The following PCDH12 variants were observed in gnomAD, a reference collection of about 807,000 sequenced individuals.
PCDH12 encodes the protein protocadherin 12.
PCDH12 carries 45 observed loss-of-function variants against 70.9 expected under a neutral mutation model. The ratio of observed to expected loss-of-function variants is 0.63; its 90% CI spans 0.50 to 0.81. The LOEUF (loss-of-function observed/expected upper bound fraction) is 0.81. Ranked by LOEUF, PCDH12 falls within the 40% of genes least tolerant of loss-of-function variation. PCDH12 has a pLI of 0.00. For synonymous variants in PCDH12, 567 were observed against 626.0 expected, an observed-to-expected ratio of 0.91 and a Z score of 1.41; for missense variants, 1,370 against 1,491.7, an observed-to-expected ratio of 0.92 and a Z score of 1.34.
intron 3 of PCDH12, among the ~76,000 whole-genome samples, chr5:141,948,620 A>C (rs1753003050): frequency 6.6e-6 from 1 of 152,232 alleles, no homozygotes; most frequent in Non-Finnish European, 1.5e-5. Flanking sequence ...CCTGGTTCCC[A>C]GGGTGAAAGG....
intron 2 of PCDH12, 102 bp downstream of exon 2, chr5:141,951,391 G>C: frequency 1.2e-6 from 1 of 858,748 alleles, no homozygotes; most frequent in Non-Finnish European, 2.0e-6. Flanking sequence ...CAGGGGACCG[G>C]TGTCTGACTT....
At chr5:141,949,645 G>A (rs1753035437) in intron 2 of PCDH12, 62 bp from the exon 3 acceptor site, 1 of 1,554,162 alleles carries the variant, frequency 6.4e-7, no homozygotes, top group Admixed American at 1.9e-5. Context: ...ATTCATTCAT[G>A]CCCATTCATG....
At chr5:141,950,271 G>A (rs1278137600) in intron 2 of PCDH12, among the ~76,000 whole-genome samples, 1 of 152,150 alleles carries the variant, frequency 6.6e-6, no homozygotes, top group African/African-American at 2.4e-5. Flanking sequence ...GGACAGGCCT[G>A]GACCCTCATC....
rs1753168666 is a variant in PCDH12, at chr5:141,955,713, G to A, written c.2139C>T (p.Ser713=). 1.2e-6 allele frequency: 2 copies of A among 1,614,140 alleles called. No homozygotes were observed. Among genetic ancestry groups the A allele is most frequent in the Non-Finnish European group, 8.5e-7 (1 of 1,180,010 alleles). Reference sequence around the variant, plus strand: ...GGCAGATCACCGTCAGCATCGACATGCTCAAGGCCCCAGGCTTGCGGGCTG... The same window carrying A: ...GGCAGATCACCGTCAGCATCGACATACTCAAGGCCCCAGGCTTGCGGGCTG... The part of the protein sequence containing the change: ...RDSARKPGAL[S]MSMLTVICLA... Residue 713 remains serine, a synonymous_variant, in exon 1 of 4, where the codon AGC becomes AGT. Transcript: ENST00000231484. The surrounding 1 kb of genome is among the most constrained non-coding windows in gnomAD (Gnocchi z 5.5).
Position 141,955,179 on chromosome 5 carries a change from A to T in PCDH12, c.2673T>A (p.Ala891=). ...GGGCTTCCTCACTGCCCTGGTCTCC[A>T]GCCAGCCTCCCTGTGGGGCTGCCTG... The part of the protein sequence containing the change: ...KVAGSPTGRL[A]GDQGSEEAPQ... Residue 891 remains alanine, a synonymous_variant, in exon 1 of 4, where the codon GCT becomes GCA. Transcript: ENST00000231484. This position sits in a 1 kb window ranked among gnomAD's most constrained non-coding sequence, Gnocchi z 5.5. 6.2e-7 allele frequency: 1 copy of T among 1,614,188 alleles called. No individual in the cohort carries two copies.
In PCDH12 at chr5:141,956,139, G is replaced by T. The variant is rs770371311; in HGVS notation, c.1713C>A (p.Ser571Arg). The change falls in exon 1 of 4, where the codon AGC becomes AGA. Residue 571 changes from serine to arginine, a missense_variant. Physicochemically the swap from Ser to Arg is moderately radical, Grantham distance 110. Transcript: ENST00000231484. ...NAPEVVQPVL[S>R]DGKASLSVLV... is the part of the protein sequence containing the mutation. The stretch of plus-strand genomic sequence containing the variant: ...GCACGGAGAGGCTGGCTTTTCCATC[G>T]CTGAGCACAGGCTGGACCACCTCTG... 1 of 1,614,116 alleles carries T rather than the reference G, an allele frequency of 6.2e-7. No homozygotes were observed. The highest frequency in any genetic ancestry group is 1.6e-4 in the Middle Eastern group (1 of 6,062).
At chr5:141,946,688 G>A (rs1043668513) in intron 3 of PCDH12, among the ~76,000 whole-genome samples, 2 of 152,228 alleles carry the variant, frequency 1.3e-5, no homozygotes, top group Non-Finnish European at 2.9e-5. Flanking sequence ...TGTCCCAGGA[G>A]AGGGACTGGG....
chr5:141,955,792 G>A lies in PCDH12; in HGVS notation c.2060C>T (p.Thr687Ile). 2 of 1,613,874 alleles carry A rather than the reference G, an allele frequency of 1.2e-6. No individual in the cohort carries two copies. The highest frequency in any genetic ancestry group is 1.7e-6 in the Non-Finnish European group (2 of 1,179,906). ...VEDQGSPPLQ[T>I]RALLRVMFVT... is the part of the protein sequence containing the mutation. ...AAACATGACCCTCAACAGGGCTCGGGTCTGTAAGGGGGGGCTTCCCTGGTC... is the reference window on the plus strand; with the variant it reads ...AAACATGACCCTCAACAGGGCTCGGATCTGTAAGGGGGGGCTTCCCTGGTC... Residue 687 changes from threonine (T) to isoleucine (I), a missense_variant, in exon 1 of 4, where the codon ACC becomes ATC. Thr to Ile is a moderately conservative substitution (Grantham distance 89). Coordinates refer to ENST00000231484, the MANE Select transcript of PCDH12 (RefSeq NM_016580.4). This position sits in a 1 kb window ranked among gnomAD's most constrained non-coding sequence, Gnocchi z 5.5.
In PCDH12 at chr5:141,955,269, C is replaced by T. The variant is rs771283801; in HGVS notation, c.2583G>A (p.Glu861=). 3.7e-6 allele frequency: 6 copies of T among 1,614,202 alleles called. No individual in the cohort carries two copies. In the South Asian group the frequency reaches 5.5e-5, roughly 15 times the overall value. Residue 861 remains glutamate, a synonymous_variant, in exon 1 of 4, where the codon GAG becomes GAA. Transcript: ENST00000231484. The surrounding 1 kb of genome is among the most constrained non-coding windows in gnomAD (Gnocchi z 5.5). ...GCTGGGGCTCGGGAAGGTTCAGGTT[C>T]TCCCGGGAGGCATTCCTCTGCCTGG... ...NHPRQRNASR[E]NLNLPEPQPA...
chr5:141,956,670 G>A lies in PCDH12; in HGVS notation c.1182C>T (p.Ser394=). 1 of 1,614,210 alleles carries A rather than the reference G, an allele frequency of 6.2e-7. No individual in the cohort carries two copies. Among genetic ancestry groups the A allele is most frequent in the Non-Finnish European group, 8.5e-7 (1 of 1,180,030 alleles). The change falls in exon 1 of 4, where the codon AGC becomes AGT. Residue 394 remains serine, a synonymous_variant. Coordinates refer to ENST00000231484, the MANE Select transcript of PCDH12 (RefSeq NM_016580.4). ...TCAGCCTGAAGTGGCCCAGCTCTTG[G>A]CTCAGCCAGCAGTGGACCAAACCAT... The part of the protein sequence containing the change: ...GHNGLVHCWL[S]QELGHFRLKR...
rs751542381 is a variant in PCDH12 at position 141,956,452 on chromosome 5, A to G, written c.1400T>C (p.Val467Ala). 1.9e-6 allele frequency: 3 copies of G among 1,614,106 alleles called. No homozygotes were observed. Among genetic ancestry groups the G allele is most frequent in the South Asian group, 2.2e-5 (2 of 91,076 alleles). Reference sequence around the variant, plus strand: ...GGGTAAGTTGTTTTCCCGCGTGGAGACTTCATACCTGCTTTTCTCAAACAC... The same window carrying G: ...GGGTAAGTTGTTTTCCCGCGTGGAGGCTTCATACCTGCTTTTCTCAAACAC... The part of the protein sequence containing the change: ...APVFEKSRYE[V>A]STRENNLPSL... The change falls in exon 1 of 4, where the codon GTC becomes GCC. Residue 467 changes from valine to alanine, a missense_variant. Coordinates refer to ENST00000231484, the MANE Select transcript of PCDH12 (RefSeq NM_016580.4).
intron 2 of PCDH12, among the ~76,000 whole-genome samples, chr5:141,950,882 A>G (rs1753066941): frequency 6.6e-6 from 1 of 152,030 alleles, no homozygotes; most frequent in South Asian, 2.1e-4. Context: ...TGATTATGAA[A>G]TCCTCACCCC....
At chr5:141,946,015 C>T (rs1047329715) in intron 3 of PCDH12, among the ~76,000 whole-genome samples, 3 of 152,120 alleles carry the variant, frequency 2.0e-5, no homozygotes, top group Admixed American at 1.3e-4. Flanking sequence ...CACACCCGGG[C>T]GAACCAAGTG....
At chr5:141,948,630 G>C (rs992608083) in intron 3 of PCDH12, among the ~76,000 whole-genome samples, 1 of 152,168 alleles carries the variant, frequency 6.6e-6, no homozygotes, top group Admixed American at 6.5e-5. Context: ...AGGGTGAAAG[G>C]GTATTGAAAC....
intron 3 of PCDH12, among the ~76,000 whole-genome samples, chr5:141,946,599 ATCC>A (rs1271111885): frequency 6.6e-6 from 1 of 151,980 alleles, no homozygotes; most frequent in African/African-American, 2.4e-5. Context: ...AGATCCTCAA[ATCC>A]TCCTCAACAT....
rs748127746 is a variant in PCDH12 at position 141,955,799 on chromosome 5, A to AG, written c.2052dup (p.Gln686ThrfsTer102). Reference sequence around the variant, plus strand: ...ACCCTCAACAGGGCTCGGGTCTGTAAGGGGGGGCTTCCCTGGTCCTCTACT... The same window carrying AG: ...ACCCTCAACAGGGCTCGGGTCTGTAAGGGGGGGGCTTCCCTGGTCCTCTACT... On this transcript the variant is annotated frameshift_variant, in exon 1 of 4. Coordinates refer to ENST00000231484, the MANE Select transcript of PCDH12 (RefSeq NM_016580.4). LOFTEE classifies it high-confidence loss of function. The surrounding 1 kb of genome is among the most constrained non-coding windows in gnomAD (Gnocchi z 5.5). 3.1e-6 allele frequency: 5 copies of AG among 1,613,638 alleles called. No individual in the cohort carries two copies. The highest frequency in any genetic ancestry group is 1.7e-5 in the Admixed American group (1 of 59,928).
chr5:141,956,392 G>A lies in PCDH12; in HGVS notation c.1460C>T (p.Ala487Val). Reference protein sequence around the residue: ...LHLITIKAHDADLGINGKVSY... With the variant: ...LHLITIKAHDVDLGINGKVSY... The stretch of plus-strand genomic sequence containing the variant: ...GACTTTTCCATTAATGCCCAAGTCT[G>A]CATCATGAGCCTTGATGGTAATGAG... The change falls in exon 1 of 4, where the codon GCA becomes GTA. Residue 487 changes from alanine (A) to valine (V), a missense_variant. Physicochemically the swap from Ala to Val is moderately conservative, Grantham distance 64. Coordinates refer to ENST00000231484, the MANE Select transcript of PCDH12 (RefSeq NM_016580.4). 1 of 1,614,238 alleles carries A rather than the reference G, an allele frequency of 6.2e-7. No homozygotes were observed. Among genetic ancestry groups the A allele is most frequent in the South Asian group, 1.1e-5 (1 of 91,086 alleles).
intron 2 of PCDH12, among the ~76,000 whole-genome samples, chr5:141,950,980 T>A (rs1168254210): frequency 6.6e-6 from 1 of 152,200 alleles, no homozygotes; most frequent in Non-Finnish European, 1.5e-5. Flanking sequence ...CAAGTTTACA[T>A]AGCTGGTTTG....
chr5:141,948,346 C>T (rs1752992901), intron 3 of PCDH12, among the ~76,000 whole-genome samples: 1 of 152,164 alleles, frequency 6.6e-6, no homozygotes. Context: ...AGAGAAGTCC[C>T]TGCCATACCT....
Sources: gnomAD v4.1 joint callset for allele counts (sites outside exome capture counted in the v4.1 genomes callset) on GRCh38, gnomAD v4.1.1 for gene constraint, Gnocchi (gnomAD v3.1) non-coding constraint, MANE v1.5 for transcripts, NCBI Gene and HGNC (gene_info 2026-07-23, HGNC 2026-07-21) for gene names.